SIPA1L1: variants seen among roughly 807,000 people sequenced by gnomAD.
SIPA1L1 encodes the protein signal-induced proliferation-associated 1-like protein 1.
In SIPA1L1, 26 loss-of-function variants were observed where a neutral mutation model predicts 162.7. That is an observed-to-expected ratio of 0.16 (90% confidence interval 0.12 to 0.22). The LOEUF (loss-of-function observed/expected upper bound fraction) is 0.22, where lower values mean the gene tolerates loss of function less well. SIPA1L1 is among the 10% of genes least tolerant of loss of function. SIPA1L1 has a pLI of 1.00. For synonymous variants in SIPA1L1, 829 were observed against 837.4 expected, an observed-to-expected ratio of 0.99 and a Z score of 0.17; for missense variants, 1,874 against 2,241.0, an observed-to-expected ratio of 0.84 and a Z score of 3.31.
intron 2 of SIPA1L1, among the ~76,000 whole-genome samples, chr14:71,378,251 C>G (rs1311393839): frequency 1.3e-5 from 2 of 151,210 alleles, no homozygotes; most frequent in African/African-American, 4.9e-5. Flanking sequence ...TTTCTTCTTT[C>G]TATTTTGGGT....
intron 2 of SIPA1L1, among the ~76,000 whole-genome samples, chr14:71,323,306 A>G (rs1389118294): frequency 1.3e-5 from 2 of 152,208 alleles, no homozygotes; most frequent in African/African-American, 4.8e-5. Context: ...GAATTTTTAG[A>G]TAAATGACTG....
chr14:71,619,858 A>G (rs1439424742), intron 6 of SIPA1L1, among the ~76,000 whole-genome samples: 1 of 152,200 alleles, frequency 6.6e-6, no homozygotes, highest in Non-Finnish European at 1.5e-5. Flanking sequence ...TTTTAAAGAC[A>G]AGACTTAAAT....
chr14:71,713,924 T>C (rs1265493331), intron 17 of SIPA1L1, among the ~76,000 whole-genome samples: 2 of 152,330 alleles, frequency 1.3e-5, no homozygotes, highest in East Asian at 3.9e-4. Flanking sequence ...CTCTTTTATA[T>C]TTTTTCCTTA....
intron 2 of SIPA1L1, among the ~76,000 whole-genome samples, chr14:71,412,609 A>G (rs1028355408): frequency 1.3e-5 from 2 of 152,126 alleles, no homozygotes; most frequent in Non-Finnish European, 2.9e-5. Flanking sequence ...AAAAGGTGGG[A>G]GGCCTAATGT....
At chr14:71,517,306 A>T (rs1009518966) in intron 3 of SIPA1L1, among the ~76,000 whole-genome samples, 4 of 152,164 alleles carry the variant, frequency 2.6e-5, no homozygotes, top group African/African-American at 9.7e-5. Context: ...TAATGTAATT[A>T]AAAAAATTTT....
chr14:71,354,742 C>G (rs964154670), intron 2 of SIPA1L1, among the ~76,000 whole-genome samples: 1 of 152,150 alleles, frequency 6.6e-6, no homozygotes, highest in Non-Finnish European at 1.5e-5. Context: ...TAGCCAAGCT[C>G]TAAGTTTTCC....
At chr14:71,738,200 G>T in intron 22 of SIPA1L1, 41 bp from the exon 23 acceptor site, 3 of 1,113,520 alleles carry the variant, frequency 2.7e-6, no homozygotes, top group African/African-American at 1.6e-5. Flanking sequence ...ACCCAGCCAT[G>T]GAGGCCCCTG....
At chr14:71,419,743 T>C (rs926992899) in intron 2 of SIPA1L1, among the ~76,000 whole-genome samples, 3 of 151,872 alleles carry the variant, frequency 2.0e-5, no homozygotes, top group African/African-American at 7.3e-5. Flanking sequence ...ATGATCCACC[T>C]GCCTCGGCCT....
At chr14:71,627,834 G>A (rs1240275930) in intron 7 of SIPA1L1, among the ~76,000 whole-genome samples, 2 of 152,110 alleles carry the variant, frequency 1.3e-5, no homozygotes, top group African/African-American at 4.8e-5. Context: ...ATATAAATTT[G>A]CATAATACAG....
intron 4 of SIPA1L1, among the ~76,000 whole-genome samples, chr14:71,549,545 T>G (rs1049648875): frequency 1.3e-5 from 2 of 152,204 alleles, no homozygotes; most frequent in African/African-American, 4.8e-5. Flanking sequence ...TCTCGTATTT[T>G]TAATCACAAG....
At chr14:71,398,239 T>A (rs1411946863) in intron 2 of SIPA1L1, 2 of 152,128 alleles carry the variant, frequency 1.3e-5, no homozygotes, top group Non-Finnish European at 2.9e-5. Flanking sequence ...ATAACCAAAA[T>A]TTAATTGCAT....
At chr14:71,362,340 C>T (rs543948357) in intron 2 of SIPA1L1, among the ~76,000 whole-genome samples, 26 of 152,260 alleles carry the variant, frequency 1.7e-4, no homozygotes, top group Non-Finnish European at 2.8e-4. Flanking sequence ...ACCAAAGGTT[C>T]CCTGTGAAAG....
chr14:71,636,896 C>G (rs1454821765), intron 7 of SIPA1L1, among the ~76,000 whole-genome samples: 1 of 151,762 alleles, frequency 6.6e-6, no homozygotes, highest in Non-Finnish European at 1.5e-5. Context: ...ACTAAACATA[C>G]AAAAATTAGC....
intron 2 of SIPA1L1, among the ~76,000 whole-genome samples, chr14:71,491,338 C>T (rs2049230680): frequency 6.6e-6 from 1 of 152,030 alleles, no homozygotes; most frequent in East Asian, 1.9e-4. Flanking sequence ...CCTCTTTTTC[C>T]CCTTGAGCCC....
intron 7 of SIPA1L1, 171 bp from the exon 8 acceptor site, chr14:71,650,164 G>A: frequency 2.8e-6 from 2 of 705,762 alleles, no homozygotes; most frequent in Admixed American, 4.5e-5. Flanking sequence ...GAAGTTCGTA[G>A]ATACTTGCTC....
rs748993337 is a variant in SIPA1L1 at position 71,588,430 on chromosome 14, T to C, written c.558T>C (p.Asp186=). 1.9e-6 allele frequency: 3 copies of C among 1,614,142 alleles called. No homozygotes were observed. The highest frequency in any genetic ancestry group is 2.2e-5 in the East Asian group (1 of 44,880). The change falls in exon 5 of 24, where the codon GAT becomes GAC. Residue 186 remains aspartate, a synonymous_variant. Coordinates refer to ENST00000381232, the MANE Select transcript of SIPA1L1 (RefSeq NM_001386936.1). This position sits in a 1 kb window ranked among gnomAD's most constrained non-coding sequence, Gnocchi z 4.3. ...SDITISELDV[D]SFDECISPTY... ...TCACCATAAGTGAACTTGATGTGGA[T>C]AGCTTTGATGAATGTATCTCACCTA...
At chr14:71,461,817 T>C (rs751485260) in intron 2 of SIPA1L1, among the ~76,000 whole-genome samples, 2 of 152,180 alleles carry the variant, frequency 1.3e-5, no homozygotes, top group Non-Finnish European at 2.9e-5. Flanking sequence ...CTGTCCACTT[T>C]TGGGTGGTGC....
chr14:71,395,821 G>A (rs35950709), intron 2 of SIPA1L1, among the ~76,000 whole-genome samples: 7 of 152,116 alleles, frequency 4.6e-5, no homozygotes, highest in Non-Finnish European at 7.4e-5. Flanking sequence ...AAAACTATGC[G>A]CCAAGTACTT....
intron 2 of SIPA1L1, among the ~76,000 whole-genome samples, chr14:71,446,939 C>T (rs1305892948): frequency 3.5e-5 from 3 of 84,988 alleles, no homozygotes; most frequent in African/African-American, 5.4e-5. Flanking sequence ...TGAGACAGGC[C>T]CTTGCTTTGT....
Sources: allele counts gnomAD v4.1 joint callset (sites outside exome capture counted in the v4.1 genomes callset), GRCh38; gene constraint gnomAD v4.1.1; non-coding constraint Gnocchi (gnomAD v3.1); transcripts MANE v1.5; gene names NCBI Gene and HGNC (gene_info 2026-07-23, HGNC 2026-07-21).